ST6GAL1: variants seen among roughly 807,000 people sequenced by gnomAD.
ST6GAL1 encodes the protein beta-galactoside alpha-2,6-sialyltransferase 1.
ST6GAL1 carries 20 observed loss-of-function variants against 38.0 expected under a neutral mutation model. That is an observed-to-expected ratio of 0.53 (90% CI 0.37 to 0.77). The LOEUF is 0.77. ST6GAL1 is among the 30% of genes least tolerant of loss of function. The probability of loss-of-function intolerance (pLI) is 0.00; values close to 1 mark genes in which losing one functional copy is unlikely to be tolerated. For missense variants in ST6GAL1, 432 were observed against 496.4 expected (o/e 0.87, Z 1.23); for synonymous variants, 196 against 188.2 (o/e 1.04, Z -0.34).
At chr3:187,004,609 G>A (rs1254666941) in intron 2 of ST6GAL1, among the ~76,000 whole-genome samples, 6 of 152,182 alleles carry the variant, frequency 3.9e-5, no homozygotes, top group Admixed American at 2.6e-4. Context: ...ATGATGTCCT[G>A]TTAGCTTATA....
chr3:187,052,066 A>G (rs1000065591), intron 5 of ST6GAL1, among the ~76,000 whole-genome samples: 3 of 152,100 alleles, frequency 2.0e-5, no homozygotes, highest in Admixed American at 2.0e-4. Flanking sequence ...TTTTTATGTC[A>G]GTATTTAGTC....
At chr3:187,010,741 C>G (rs1716927189) in intron 2 of ST6GAL1, among the ~76,000 whole-genome samples, 1 of 152,198 alleles carries the variant, frequency 6.6e-6, no homozygotes, top group Admixed American at 6.5e-5. Context: ...CTGTGGCGAG[C>G]AATATCTGCA....
At chr3:186,961,451 T>TCTAC (rs1279952090) in intron 1 of ST6GAL1, among the ~76,000 whole-genome samples, 1 of 152,178 alleles carries the variant, frequency 6.6e-6, no homozygotes, top group Non-Finnish European at 1.5e-5. Context: ...AAGTCAGAGT[T>TCTAC]CTACCCTTTG....
At position 187,067,094 on chromosome 3, in the gene ST6GAL1, TTTTTTTTTTTTTTG is replaced by T. The variant is rs1274435251; in HGVS notation, c.706-5754_706-5741del. Among the ~76,000 whole-genome samples the T allele has an allele frequency of 1.2e-3, 113 of 95,900 alleles. 1 individual carries two copies. Among genetic ancestry groups the T allele is most frequent in the Admixed American group, 2.5e-3 (26 of 10,604 alleles). 62.9% of individuals were successfully genotyped at this position (95,900 alleles called of 152,430 possible). ...CTTTCTTTCTTTCTTTTTTTTTTTT[TTTTTTTTTTTTTTG>T]GAGACAGAGTCTCTGTCACCCAGGC... is the stretch of plus-strand genomic sequence containing the variant. On this transcript the variant is annotated intron_variant, in intron 5 of 7. Transcript: ENST00000169298.
At chr3:186,944,887 T>A (rs1714302783) in intron 1 of ST6GAL1, among the ~76,000 whole-genome samples, 1 of 152,168 alleles carries the variant, frequency 6.6e-6, no homozygotes, top group Non-Finnish European at 1.5e-5. Context: ...TGGGAAAAAG[T>A]CTCCAGCTGA....
At chr3:186,943,317 T>C (rs1012129739) in intron 1 of ST6GAL1, among the ~76,000 whole-genome samples, 7 of 152,168 alleles carry the variant, frequency 4.6e-5, no homozygotes, top group Admixed American at 4.6e-4. Flanking sequence ...AGGGAAACAC[T>C]AGCAGGTTGA....
intron 2 of ST6GAL1, among the ~76,000 whole-genome samples, chr3:187,020,401 A>G (rs1042626400): frequency 6.6e-6 from 1 of 152,232 alleles, no homozygotes; most frequent in Non-Finnish European, 1.5e-5. Flanking sequence ...TCTTTATTTA[A>G]AAAAGAGGAT....
chr3:187,041,781 T>C (rs1029967400), intron 3 of ST6GAL1: 4 of 152,224 alleles, frequency 2.6e-5, no homozygotes. Context: ...CTGTACAGGT[T>C]AGGAGATGCC....
intron 4 of ST6GAL1, 27 bp downstream of exon 4, chr3:187,043,337 G>A: frequency 6.3e-7 from 1 of 1,595,882 alleles, no homozygotes; most frequent in African/African-American, 1.3e-5. Context: ...TTCTGTGAAT[G>A]GCAGTGCTTA....
chr3:186,935,040 G>A (rs968364891), intron 1 of ST6GAL1, among the ~76,000 whole-genome samples: 5 of 152,038 alleles, frequency 3.3e-5, no homozygotes, highest in Admixed American at 3.3e-4. Flanking sequence ...AGGTACATGT[G>A]CAGGTTTGTT....
At chr3:187,041,309 T>G (rs1421582275) in intron 3 of ST6GAL1, among the ~76,000 whole-genome samples, 1 of 152,166 alleles carries the variant, frequency 6.6e-6, no homozygotes, top group South Asian at 2.1e-4. Flanking sequence ...TACCTTTTCC[T>G]GATATCCTTA....
chr3:187,024,986 T>TGCGC (rs1198899588), intron 2 of ST6GAL1: 1 of 134,260 alleles, frequency 7.4e-6, no homozygotes, highest in African/African-American at 3.1e-5. Context: ...CAGAACCTGG[T>TGCGC]GCGTGTGTGT....
intron 5 of ST6GAL1, among the ~76,000 whole-genome samples, chr3:187,055,213 C>T (rs9681214): frequency 1.4e-5 from 2 of 142,976 alleles, no homozygotes; most frequent in African/African-American, 5.2e-5. Context: ...GTCTTGCTAG[C>T]GGTTTATCAA....
At chr3:186,949,745 A>G (rs1162627234) in intron 1 of ST6GAL1, among the ~76,000 whole-genome samples, 1 of 152,210 alleles carries the variant, frequency 6.6e-6, no homozygotes, top group Non-Finnish European at 1.5e-5. Context: ...AGCCAGACAG[A>G]CTTGGGTTTA....
intron 2 of ST6GAL1, among the ~76,000 whole-genome samples, chr3:187,032,453 G>A (rs1197902131): frequency 6.6e-6 from 1 of 152,120 alleles, no homozygotes; most frequent in Non-Finnish European, 1.5e-5. Context: ...CCAGGAGTAA[G>A]AGCTGTGAAC....
At chr3:186,960,546 C>T (rs553241559) in intron 1 of ST6GAL1, among the ~76,000 whole-genome samples, 2 of 151,932 alleles carry the variant, frequency 1.3e-5, no homozygotes, top group Non-Finnish European at 2.9e-5. Context: ...TAAGTGGAAA[C>T]TATATTAAAA....
At chr3:187,000,567 A>G (rs1716584708) in intron 2 of ST6GAL1, among the ~76,000 whole-genome samples, 1 of 148,080 alleles carries the variant, frequency 6.8e-6, no homozygotes, top group South Asian at 2.1e-4. Flanking sequence ...TGGCTCAAAA[A>G]AAAGTTTATT....
At chr3:187,021,798 G>A (rs1456033955) in intron 2 of ST6GAL1, 1 of 151,344 alleles carries the variant, frequency 6.6e-6, no homozygotes, top group Non-Finnish European at 1.5e-5. Context: ...TGCCCTGGGG[G>A]AAGAAATGCT....
chr3:186,972,196 A>G (rs1354076035), intron 2 of ST6GAL1, among the ~76,000 whole-genome samples: 4 of 151,880 alleles, frequency 2.6e-5, no homozygotes, highest in African/African-American at 7.3e-5. Flanking sequence ...GGAGTAGGAC[A>G]CCCAGGTCTG....
Sources: allele counts gnomAD v4.1 joint callset (sites outside exome capture counted in the v4.1 genomes callset), GRCh38; gene constraint gnomAD v4.1.1; transcripts MANE v1.5; gene names NCBI Gene and HGNC (gene_info 2026-07-23, HGNC 2026-07-21).